DPP6: variants seen among roughly 807,000 people sequenced by gnomAD.
The protein encoded by DPP6 is A-type potassium channel modulatory protein DPP6.
DPP6 carries 69 observed loss-of-function variants against 122.6 expected under a neutral mutation model. The observed-to-expected ratio is 0.56, with a 90% CI of 0.46 to 0.69. The LOEUF (loss-of-function observed/expected upper bound fraction) is 0.69, where lower values mean the gene tolerates loss of function less well. DPP6 is among the 30% of genes least tolerant of loss of function. The pLI is 0.00. For missense variants in DPP6, 928 were observed against 1,116.9 expected (o/e 0.83, Z 2.41); for synonymous variants, 418 against 433.1 (o/e 0.97, Z 0.43).
intron 1 of DPP6, among the ~76,000 whole-genome samples, chr7:154,415,754 G>A (rs771909440): frequency 1.3e-5 from 2 of 149,430 alleles, no homozygotes; most frequent in Non-Finnish European, 3.0e-5. Flanking sequence ...TGGCCAGGCT[G>A]GAGAAGTGCA....
chr7:154,240,974 G>T (rs1801554384), intron 1 of DPP6, among the ~76,000 whole-genome samples: 1 of 152,096 alleles, frequency 6.6e-6, no homozygotes, highest in Admixed American at 6.6e-5. Flanking sequence ...TATACTTTGG[G>T]TCAAAAGGTG....
At chr7:154,510,302 G>C (rs78977352) in intron 3 of DPP6, among the ~76,000 whole-genome samples, 1,764 of 152,266 alleles carry the variant, frequency 0.012, 22 homozygotes, top group African/African-American at 0.039. Context: ...ACAGCTTTCT[G>C]ATGATCTTGA....
the DPP6 span, among the ~76,000 whole-genome samples, chr7:153,783,268 G>T: frequency 2.0e-5 from 3 of 152,126 alleles, no homozygotes; most frequent in Admixed American, 2.0e-4. Flanking sequence ...CACATGGCTG[G>T]GGAGGTCCCA....
intron 3 of DPP6, among the ~76,000 whole-genome samples, chr7:154,511,502 C>T (rs774601708): frequency 3.3e-5 from 5 of 152,044 alleles, no homozygotes; most frequent in African/African-American, 9.7e-5. Flanking sequence ...ATTCCTAAGG[C>T]GTACTAGTTG....
Position 154,191,459 on chromosome 7 carries a change from A to G in DPP6, c.243+138396A>G, listed in dbSNP as rs549026922. Among the ~76,000 whole-genome samples the G allele has an allele frequency of 6.6e-5, 10 of 152,310 alleles. 1 individual carries two copies. The South Asian group carries it at 1.2e-3, about 19-fold the overall frequency. ...AGAAATAAATGAGATCATAAGTGCA[A>G]TGTGCGCACACAAGGCCTGTCACTT... On this transcript the variant is annotated intron_variant, in intron 1 of 25. Transcript: ENST00000377770.
intron 1 of DPP6, among the ~76,000 whole-genome samples, chr7:154,300,778 C>T (rs967346515): frequency 6.6e-6 from 1 of 152,172 alleles, no homozygotes; most frequent in Non-Finnish European, 1.5e-5. Context: ...GCCTCACTTC[C>T]CTCATAAATG....
chr7:153,934,028 GC>G (rs1242342024), intron 1 of DPP6, among the ~76,000 whole-genome samples: 1 of 152,232 alleles, frequency 6.6e-6, no homozygotes, highest in Non-Finnish European at 1.5e-5. Context: ...TTGCTGCAGA[GC>G]CTAGGCTATT....
At chr7:154,192,357 C>G (rs1798655384) in intron 1 of DPP6, among the ~76,000 whole-genome samples, 1 of 152,240 alleles carries the variant, frequency 6.6e-6, no homozygotes, top group African/African-American at 2.4e-5. Flanking sequence ...AATGTGATCC[C>G]TACTACAATT....
At chr7:153,946,692 C>T (rs935658813) in intron 1 of DPP6, among the ~76,000 whole-genome samples, 10 of 152,044 alleles carry the variant, frequency 6.6e-5, no homozygotes, top group Non-Finnish European at 1.0e-4. Flanking sequence ...TTGGTTCAAA[C>T]GCCTCTGACA....
At chr7:153,814,073 T>G in the DPP6 span, among the ~76,000 whole-genome samples, 95 of 152,250 alleles carry the variant, frequency 6.2e-4, no homozygotes, top group African/African-American at 2.1e-3. Context: ...TTGCTTTTGG[T>G]GTTTTAGACA....
intron 16 of DPP6, among the ~76,000 whole-genome samples, chr7:154,809,114 C>A (rs188714991): frequency 1.3e-5 from 2 of 152,206 alleles, no homozygotes; most frequent in Admixed American, 1.3e-4. Flanking sequence ...GGCTTCTCAC[C>A]GTTCATGGAA....
chr7:154,556,363 G>A (rs765427918), intron 4 of DPP6, among the ~76,000 whole-genome samples: 43 of 152,168 alleles, frequency 2.8e-4, no homozygotes, highest in Non-Finnish European at 5.0e-4. Context: ...ATTTTGCATA[G>A]AAGTAGCAAA....
chr7:154,494,265 A>G (rs929646138), intron 3 of DPP6, among the ~76,000 whole-genome samples: 7 of 152,078 alleles, frequency 4.6e-5, no homozygotes, highest in Non-Finnish European at 8.8e-5. Flanking sequence ...CTGAGGCAGG[A>G]GGATCACTTG....
At chr7:153,860,760 A>G in the DPP6 span, among the ~76,000 whole-genome samples, 1 of 152,090 alleles carries the variant, frequency 6.6e-6, no homozygotes, top group African/African-American at 2.4e-5. Context: ...AATCACACCT[A>G]TATAATTGTT....
At chr7:154,166,842 C>A (rs570637021) in intron 1 of DPP6, among the ~76,000 whole-genome samples, 10 of 148,560 alleles carry the variant, frequency 6.7e-5, no homozygotes, top group Non-Finnish European at 1.0e-4. Flanking sequence ...ACCCAGGAGG[C>A]GGAGGTTGCA....
intron 1 of DPP6, among the ~76,000 whole-genome samples, chr7:154,219,888 G>C (rs189828663): frequency 6.6e-6 from 1 of 152,124 alleles, no homozygotes; most frequent in Non-Finnish European, 1.5e-5. Context: ...TGCTCAGCCT[G>C]CTTGCCTACT....
At chr7:154,594,312 G>A (rs996563117) in intron 5 of DPP6, among the ~76,000 whole-genome samples, 1 of 152,192 alleles carries the variant, frequency 6.6e-6, no homozygotes, top group African/African-American at 2.4e-5. Context: ...CAGCTCACGG[G>A]TGTAGGGGTT....
At chr7:154,632,231 C>A (rs1835448894) in intron 5 of DPP6, among the ~76,000 whole-genome samples, 1 of 152,158 alleles carries the variant, frequency 6.6e-6, no homozygotes, top group Non-Finnish European at 1.5e-5. Flanking sequence ...TGCAGAGAAA[C>A]CTTTAGGCTG....
chr7:154,107,495 A>G (rs1296457933), intron 1 of DPP6, among the ~76,000 whole-genome samples: 2 of 152,308 alleles, frequency 1.3e-5, no homozygotes, highest in East Asian at 3.9e-4. Flanking sequence ...TTTGAGATCA[A>G]TTGCACAACA....
Sources: allele counts gnomAD v4.1 joint callset (sites outside exome capture counted in the v4.1 genomes callset), GRCh38; gene constraint gnomAD v4.1.1; transcripts MANE v1.5; gene names NCBI Gene and HGNC (gene_info 2026-07-23, HGNC 2026-07-21).